The following ZNG1E variants were observed in gnomAD, a reference collection of about 807,000 sequenced individuals.
The protein encoded by ZNG1E is zinc-regulated GTPase metalloprotein activator 1E.
chr9:65,693,720 G>A, the ZNG1E span, among the ~76,000 whole-genome samples: 1,230 of 150,846 alleles, frequency 8.2e-3, 1 homozygote, highest in African/African-American at 0.013. Flanking sequence ...ACCATGCCCA[G>A]CTAATTTTGT....
chr9:65,721,947 GTC>G, the ZNG1E span, among the ~76,000 whole-genome samples: 107 of 149,746 alleles, frequency 7.1e-4, no homozygotes, highest in African/African-American at 2.5e-3. Context: ...CATGGCTGAG[GTC>G]TCTCTAACAG....
the ZNG1E span, among the ~76,000 whole-genome samples, chr9:65,693,095 A>G: frequency 6.6e-6 from 1 of 152,290 alleles, no homozygotes; most frequent in Admixed American, 6.5e-5. Flanking sequence ...ACAAACCTGC[A>G]CATCGTGAGC....
the ZNG1E span, among the ~76,000 whole-genome samples, chr9:65,658,200 A>C: frequency 6.7e-6 from 1 of 149,798 alleles, no homozygotes; most frequent in Non-Finnish European, 1.5e-5. Context: ...ACAACTTTAA[A>C]AAATATCCAC....
the ZNG1E span, among the ~76,000 whole-genome samples, chr9:65,671,729 GA>G: frequency 7.0e-3 from 934 of 134,068 alleles, no homozygotes; most frequent in East Asian, 0.011. Flanking sequence ...TTCAGGAGAA[GA>G]AAAAAAAAAA....
the ZNG1E span, chr9:65,690,735 T>C: frequency 1.6e-6 from 1 of 644,058 alleles, no homozygotes; most frequent in African/African-American, 1.9e-5. Context: ...AATTGGTCTT[T>C]TTTAAAGGAA....
At chr9:65,661,889 G>A in the ZNG1E span, among the ~76,000 whole-genome samples, 4 of 152,392 alleles carry the variant, frequency 2.6e-5, no homozygotes, top group South Asian at 8.3e-4. Flanking sequence ...ACTTAAATGA[G>A]TGGCTAAGTT....
chr9:65,685,112 A>G, the ZNG1E span, among the ~76,000 whole-genome samples: 428 of 152,096 alleles, frequency 2.8e-3, 1 homozygote, highest in African/African-American at 9.8e-3. Flanking sequence ...TGTGTAATAG[A>G]ATTGTCTAAA....
the ZNG1E span, among the ~76,000 whole-genome samples, chr9:65,684,398 G>C: frequency 2.0e-5 from 3 of 151,706 alleles, no homozygotes; most frequent in Non-Finnish European, 4.4e-5. Context: ...CTAGCCAGGC[G>C]TTGTGGCGCA....
the ZNG1E span, among the ~76,000 whole-genome samples, chr9:65,685,344 G>T: frequency 1.3e-5 from 2 of 152,358 alleles, no homozygotes; most frequent in Non-Finnish European, 2.9e-5. Context: ...TTTCATAAAA[G>T]ATGTCTCTAT....
the ZNG1E span, among the ~76,000 whole-genome samples, chr9:65,661,137 C>T: frequency 5.2e-4 from 75 of 145,138 alleles, no homozygotes; most frequent in African/African-American, 1.4e-3. Context: ...AACAACATTG[C>T]CTTATTATAT....
the ZNG1E span, among the ~76,000 whole-genome samples, chr9:65,657,942 A>T: frequency 6.6e-6 from 1 of 152,272 alleles, no homozygotes; most frequent in Non-Finnish European, 1.5e-5. Flanking sequence ...TCTACTAAAA[A>T]TACAAAGTTA....
chr9:65,667,485 A>C, the ZNG1E span, among the ~76,000 whole-genome samples: 1 of 152,286 alleles, frequency 6.6e-6, no homozygotes, highest in Non-Finnish European at 1.5e-5. Flanking sequence ...AGCGAAGCTA[A>C]CCAGTCTAAA....
chr9:65,717,736 A>G, the ZNG1E span, among the ~76,000 whole-genome samples: 2 of 148,432 alleles, frequency 1.3e-5, no homozygotes, highest in African/African-American at 5.2e-5. Flanking sequence ...TGCCCAGGCT[A>G]GAGTGCAGTG....
the ZNG1E span, among the ~76,000 whole-genome samples, chr9:65,662,036 CAG>C: frequency 6.6e-6 from 1 of 152,224 alleles, no homozygotes; most frequent in Non-Finnish European, 1.5e-5. Flanking sequence ...ATCAGGGAAA[CAG>C]TAATTTTCTT....
chr9:65,658,985 A>T, the ZNG1E span, among the ~76,000 whole-genome samples: 2 of 151,952 alleles, frequency 1.3e-5, no homozygotes, highest in Admixed American at 6.6e-5. Context: ...ATTCTAAACT[A>T]CTGGGGGTTA....
At chr9:65,719,437 T>C in the ZNG1E span, 9 of 132,918 alleles carry the variant, frequency 6.8e-5, no homozygotes, top group East Asian at 2.0e-4. Context: ...ACAGTTATTA[T>C]GGTTGTAATT....
the ZNG1E span, among the ~76,000 whole-genome samples, chr9:65,663,556 G>A: frequency 5.0e-5 from 7 of 140,032 alleles, no homozygotes; most frequent in African/African-American, 1.9e-4. Flanking sequence ...TCCTTTGAGT[G>A]AGCCAAACTT....
chr9:65,668,006 A>C, the ZNG1E span, among the ~76,000 whole-genome samples: 1 of 144,294 alleles, frequency 6.9e-6, no homozygotes, highest in South Asian at 2.3e-4. Flanking sequence ...CAAAAAAAAA[A>C]AAATGATGAA....
chr9:65,685,325 G>C, the ZNG1E span, among the ~76,000 whole-genome samples: 3 of 152,240 alleles, frequency 2.0e-5, no homozygotes, highest in African/African-American at 7.2e-5. Flanking sequence ...TGCATTAGTT[G>C]ACTCTCCCTT....
Sources: gnomAD v4.1 joint callset for allele counts (sites outside exome capture counted in the v4.1 genomes callset) on GRCh38, gnomAD v4.1.1 for gene constraint, MANE v1.5 for transcripts, NCBI Gene and HGNC (gene_info 2026-07-23, HGNC 2026-07-21) for gene names.